SAXO1: variants seen among roughly 807,000 people sequenced by gnomAD.
SAXO1 encodes the protein stabilizer of axonemal microtubules 1, also known as 4930500O09Rik.
Under a neutral mutation model 17.5 loss-of-function variants are expected in SAXO1, and 21 were observed. The ratio of observed to expected loss-of-function variants is 1.20; its 90% CI spans 0.85 to 1.72. The LOEUF is 1.72. Ranked by LOEUF, SAXO1 falls within the 40% of genes most tolerant of loss-of-function variation. SAXO1 has a pLI of 0.00. For missense variants in SAXO1, 843 were observed against 596.0 expected (o/e 1.41, Z -4.32); for synonymous variants, 274 against 216.5 (o/e 1.27, Z -2.33).
chr9:18,983,712 A>G (rs1406694559), intron 1 of SAXO1, among the ~76,000 whole-genome samples: 1 of 152,176 alleles, frequency 6.6e-6, no homozygotes, highest in African/African-American at 2.4e-5. Context: ...CTGAGGTCTC[A>G]AAGCCCTCAA....
intron 1 of SAXO1, among the ~76,000 whole-genome samples, chr9:19,026,060 A>G (rs1453546519): frequency 1.3e-5 from 2 of 152,112 alleles, no homozygotes; most frequent in African/African-American, 4.8e-5. Flanking sequence ...TAGGGTGACT[A>G]TAGTTATAAT....
intron 1 of SAXO1, among the ~76,000 whole-genome samples, chr9:19,019,724 T>C (rs1260797900): frequency 6.6e-6 from 1 of 151,962 alleles, no homozygotes; most frequent in African/African-American, 2.4e-5. Context: ...TGAGACACTG[T>C]CTCAAAAGAA....
At chr9:19,027,275 G>C (rs188124947) in intron 1 of SAXO1, 1 of 963,732 alleles carries the variant, frequency 1.0e-6, no homozygotes, top group Admixed American at 1.7e-5. Context: ...ATGTTGAAAA[G>C]CTAAAGCCAG....
chr9:18,998,945 C>T (rs1377875367), intron 1 of SAXO1, among the ~76,000 whole-genome samples: 1 of 152,162 alleles, frequency 6.6e-6, no homozygotes, highest in East Asian at 1.9e-4. Context: ...TACAAGAGCT[C>T]CTGAAGGAAG....
At chr9:18,987,500 C>T (rs1273044342) in intron 1 of SAXO1, among the ~76,000 whole-genome samples, 5 of 152,166 alleles carry the variant, frequency 3.3e-5, no homozygotes, top group East Asian at 3.8e-4. Context: ...CTTTTCCTTT[C>T]GATGTGATTT....
At chr9:19,016,733 A>G (rs1430272059) in intron 1 of SAXO1, among the ~76,000 whole-genome samples, 1 of 151,972 alleles carries the variant, frequency 6.6e-6, no homozygotes, top group East Asian at 1.9e-4. Flanking sequence ...ATAAATGAAT[A>G]CAGAAATGTA....
Position 18,928,003 on chromosome 9 carries a change from G to T in SAXO1, c.*49C>A. 6.9e-7 allele frequency: 1 copy of T among 1,453,846 alleles called. No homozygotes were observed. The highest frequency in any genetic ancestry group is 9.1e-7 in the Non-Finnish European group (1 of 1,095,494). The allele number at this position is 1,453,846 out of a possible 1,614,324, so 90.1% of individuals were successfully genotyped here. Reference sequence around the variant, plus strand: ...TTTGTCCAACAAATAATTCTCAGTTGTCTGCTTTTAAAAGTACTGTGTAAT... The same window carrying T: ...TTTGTCCAACAAATAATTCTCAGTTTTCTGCTTTTAAAAGTACTGTGTAAT... On this transcript the variant is annotated 3_prime_UTR_variant, in exon 4 of 4. Coordinates refer to ENST00000380534, the MANE Select transcript of SAXO1 (RefSeq NM_153707.4).
At chr9:18,945,272 A>C (rs1831740936) in intron 2 of SAXO1, among the ~76,000 whole-genome samples, 1 of 152,096 alleles carries the variant, frequency 6.6e-6, no homozygotes, top group South Asian at 2.1e-4. Flanking sequence ...TGTTTTCCAG[A>C]CCCAACCGCT....
rs753474644 is a variant in SAXO1, at chr9:19,032,860, G to A, written c.38+11C>T. On this transcript the variant is annotated intron_variant, in intron 1 of 3. Transcript: ENST00000380534. ...GCTCCCCCAGCCTTGCCCTGGGCGT[G>A]GCCACCTTACCCGCAGGAGCACAGT... 6.2e-7 allele frequency: 1 copy of A among 1,609,934 alleles called. No homozygotes were observed. Among genetic ancestry groups the A allele is most frequent in the Non-Finnish European group, 8.5e-7 (1 of 1,179,580 alleles).
chr9:18,969,586 A>G (rs4607710), intron 1 of SAXO1, among the ~76,000 whole-genome samples: 27,911 of 152,156 alleles, frequency 0.18, 5,395 homozygotes, highest in African/African-American at 0.49. Flanking sequence ...TTAAGTCCAC[A>G]ATATTAAAAA....
At chr9:19,046,301 A>ACC (rs1836214458) in intron 1 of SAXO1, among the ~76,000 whole-genome samples, 1 of 152,162 alleles carries the variant, frequency 6.6e-6, no homozygotes, top group Non-Finnish European at 1.5e-5. Context: ...TTAAAATTTA[A>ACC]AACTCCAAAG....
intron 1 of SAXO1, among the ~76,000 whole-genome samples, chr9:19,002,394 T>A (rs1691325409): frequency 6.6e-6 from 1 of 152,216 alleles, no homozygotes; most frequent in African/African-American, 2.4e-5. Flanking sequence ...ACTCTTTCTA[T>A]GAGGCCAGCA....
chr9:18,937,932 G>A (rs1645836472), intron 3 of SAXO1, among the ~76,000 whole-genome samples: 1 of 152,148 alleles, frequency 6.6e-6, no homozygotes, highest in African/African-American at 2.4e-5. Context: ...AGACACACAT[G>A]TTGCAAACTG....
At chr9:19,048,969 T>A (rs1437434563) in intron 1 of SAXO1, among the ~76,000 whole-genome samples, 1 of 152,258 alleles carries the variant, frequency 6.6e-6, no homozygotes, top group Non-Finnish European at 1.5e-5. Context: ...CCTACAAGTC[T>A]CACTTTCCGC....
intron 1 of SAXO1, among the ~76,000 whole-genome samples, chr9:18,972,242 C>T (rs1285469584): frequency 1.3e-5 from 2 of 152,096 alleles, no homozygotes; most frequent in African/African-American, 4.8e-5. Flanking sequence ...CCCTTCTTTA[C>T]AAAAAATAAG....
At chr9:19,036,788 C>A (rs376121771), upstream of SAXO1, among the ~76,000 whole-genome samples, 1 of 152,202 alleles carries the variant, frequency 6.6e-6, no homozygotes, top group African/African-American at 2.4e-5. Context: ...AATGTCCCTA[C>A]TGGGGCACCA....
At chr9:19,034,275 G>GC (rs900386408), upstream of SAXO1, among the ~76,000 whole-genome samples, 17 of 152,036 alleles carry the variant, frequency 1.1e-4, no homozygotes, top group South Asian at 6.2e-4. Context: ...TTTTTGTGTG[G>GC]GGGGGGTTAG....
At chr9:19,005,558 G>T (rs550121575) in intron 1 of SAXO1, among the ~76,000 whole-genome samples, 22 of 152,266 alleles carry the variant, frequency 1.4e-4, no homozygotes, top group Admixed American at 1.3e-3. Context: ...AATGGCACAG[G>T]AAAAGTTGGA....
Position 18,960,203 on chromosome 9 carries a change from T to C in SAXO1, c.39-9266A>G, listed in dbSNP as rs75905607. On this transcript the variant is annotated intron_variant, in intron 1 of 3. Coordinates refer to ENST00000380534, the MANE Select transcript of SAXO1 (RefSeq NM_153707.4). The stretch of plus-strand genomic sequence containing the variant: ...GAGAAACCTCTTCAAGAAGGTACAA[T>C]TGGTGAAGCCATCCCTGGGACGCGT... Among the ~76,000 whole-genome samples the C allele has an allele frequency of 2.3e-3, 347 of 152,268 alleles. 1 individual carries two copies. The highest frequency in any genetic ancestry group is 7.8e-3 in the African/African-American group (325 of 41,534).
Sources: gnomAD v4.1 joint callset for allele counts (sites outside exome capture counted in the v4.1 genomes callset) on GRCh38, gnomAD v4.1.1 for gene constraint, MANE v1.5 for transcripts, NCBI Gene and HGNC (gene_info 2026-07-23, HGNC 2026-07-21) for gene names.